The following ZNF474 variants were observed in gnomAD, a reference collection of about 807,000 sequenced individuals.
The protein encoded by ZNF474 is zinc finger protein 474.
For synonymous variants in ZNF474, 192 were observed against 162.2 expected (o/e 1.18, Z -1.39); for missense variants, 511 against 433.8 (o/e 1.18, Z -1.58).
rs1706107020 is a variant in ZNF474 at position 122,152,997 on chromosome 5, G to A, written c.1007G>A (p.Arg336Lys). 1.5e-5 allele frequency: 25 copies of A among 1,614,070 alleles called. No individual in the cohort carries two copies. Among genetic ancestry groups the A allele is most frequent in the Non-Finnish European group, 2.1e-5 (25 of 1,180,038 alleles). Residue 336 changes from arginine to lysine, a missense_variant, in exon 2 of 2, where the codon AGG becomes AAG. Arg to Lys is a conservative substitution (Grantham distance 26, BLOSUM62 2). Coordinates refer to ENST00000296600, the MANE Select transcript of ZNF474 (RefSeq NM_207317.3). ...LKEYTNSKQQRNRAAPSVTDK... is the reference protein window; with the variant it reads ...LKEYTNSKQQKNRAAPSVTDK... ...GAGTACACTAATTCCAAGCAGCAAA[G>A]GAACAGGGCAGCACCCAGTGTAACT...
At chr5:122,133,594 C>T (rs1174959716) in intron 1 of ZNF474, among the ~76,000 whole-genome samples, 15 of 152,192 alleles carry the variant, frequency 9.9e-5, no homozygotes, top group Non-Finnish European at 7.3e-5. Flanking sequence ...GGGTCTTGCT[C>T]TGTCACCCAG....
At chr5:122,148,995 G>T (rs1356993828) in intron 1 of ZNF474, among the ~76,000 whole-genome samples, 1 of 152,154 alleles carries the variant, frequency 6.6e-6, no homozygotes, top group African/African-American at 2.4e-5. Context: ...CTCCCAAAGT[G>T]CTGGGATTAC....
At chr5:122,145,160 G>C (rs1755955880) in intron 1 of ZNF474, among the ~76,000 whole-genome samples, 1 of 152,188 alleles carries the variant, frequency 6.6e-6, no homozygotes, top group Non-Finnish European at 1.5e-5. Context: ...ATTATTCATA[G>C]TGAAGGGGAG....
intron 1 of ZNF474, among the ~76,000 whole-genome samples, chr5:122,148,462 C>A (rs918204553): frequency 1.4e-4 from 22 of 152,208 alleles, no homozygotes; most frequent in African/African-American, 5.1e-4. Context: ...GCGGTAAGAT[C>A]TATCCCTAAT....
chr5:122,145,035 G>A (rs182578628), intron 1 of ZNF474, among the ~76,000 whole-genome samples: 10 of 152,296 alleles, frequency 6.6e-5, no homozygotes, highest in African/African-American at 1.9e-4. Context: ...AGTTAGAAGC[G>A]CAAAGAGTGC....
At chr5:122,135,238 G>T (rs1755672758) in intron 1 of ZNF474, among the ~76,000 whole-genome samples, 1 of 152,248 alleles carries the variant, frequency 6.6e-6, no homozygotes, top group Non-Finnish European at 1.5e-5. Flanking sequence ...AGGAGGCTGA[G>T]GTGGGAGGAT....
Position 122,152,815 on chromosome 5 carries a change from C to G in ZNF474, c.825C>G (p.Ser275Arg). The stretch of plus-strand genomic sequence containing the variant: ...AGCCCCTTCCGAATGCACAGTCCAG[C>G]CAAGCGGGACCAAATCAAGCTCAGC... ...KPQPLPNAQS[S>R]QAGPNQAQLV... The change falls in exon 2 of 2, where the codon AGC (serine) becomes AGG (arginine). Residue 275 changes from serine to arginine, a missense_variant. Coordinates refer to ENST00000296600, the MANE Select transcript of ZNF474 (RefSeq NM_207317.3). 6.2e-7 allele frequency: 1 copy of G among 1,614,174 alleles called. No homozygotes were observed. The highest frequency in any genetic ancestry group is 8.5e-7 in the Non-Finnish European group (1 of 1,180,026).
intron 1 of ZNF474, among the ~76,000 whole-genome samples, chr5:122,143,139 T>A (rs1409911847): frequency 1.3e-5 from 2 of 152,184 alleles, no homozygotes; most frequent in Admixed American, 1.3e-4. Flanking sequence ...ACTTTGAAAC[T>A]GCTGTAAGGT....
intron 1 of ZNF474, among the ~76,000 whole-genome samples, chr5:122,145,320 A>G (rs1273941523): frequency 6.6e-6 from 1 of 152,106 alleles, no homozygotes; most frequent in African/African-American, 2.4e-5. Flanking sequence ...CTTAAACCAT[A>G]CTGCCTCTAG....
At chr5:122,140,919 G>T (rs141393303) in intron 1 of ZNF474, among the ~76,000 whole-genome samples, 1 of 152,046 alleles carries the variant, frequency 6.6e-6, no homozygotes. Flanking sequence ...CATACAGAAT[G>T]GGTATGAGCT....
chr5:122,137,804 G>C (rs180803020), intron 1 of ZNF474, among the ~76,000 whole-genome samples: 1 of 152,206 alleles, frequency 6.6e-6, no homozygotes, highest in East Asian at 1.9e-4. Flanking sequence ...CAACCATGGA[G>C]CAGTCAGTCA....
At chr5:122,142,292 C>T (rs981750566) in intron 1 of ZNF474, among the ~76,000 whole-genome samples, 3 of 152,170 alleles carry the variant, frequency 2.0e-5, no homozygotes, top group Non-Finnish European at 4.4e-5. Context: ...CATCAGCATC[C>T]ACAAAGTTGA....
In ZNF474 at chr5:122,152,843, G is replaced by T. The variant is rs745551555; in HGVS notation, c.853G>T (p.Val285Leu). 1.9e-6 allele frequency: 3 copies of T among 1,614,124 alleles called. No homozygotes were observed. Among genetic ancestry groups the T allele is most frequent in the Non-Finnish European group, 2.5e-6 (3 of 1,180,024 alleles). ...AGCGGGACCAAATCAAGCTCAGCTT[G>T]TGTTCTGCCCACATTGTAGCCGAAT... ...SQAGPNQAQLVFCPHCSRIFT... is the reference protein window; with the variant it reads ...SQAGPNQAQLLFCPHCSRIFT... Residue 285 changes from valine to leucine, a missense_variant, in exon 2 of 2, where the codon GTG becomes TTG. Val to Leu is a conservative substitution (Grantham distance 32, BLOSUM62 1). Coordinates refer to ENST00000296600, the MANE Select transcript of ZNF474 (RefSeq NM_207317.3).
At chr5:122,131,809 A>G (rs1580594203) in intron 1 of ZNF474, among the ~76,000 whole-genome samples, 1 of 152,006 alleles carries the variant, frequency 6.6e-6, no homozygotes, top group East Asian at 1.9e-4. Flanking sequence ...AAAATTATCT[A>G]TTCATACCTT....
chr5:122,133,565 C>T (rs1490312135), intron 1 of ZNF474, among the ~76,000 whole-genome samples: 2 of 152,170 alleles, frequency 1.3e-5, no homozygotes, highest in South Asian at 2.1e-4. Flanking sequence ...TTTATTCATT[C>T]ATTCATTTCT....
chr5:122,153,291 G>GTCCATCTCTTCTTCTTTT lies in ZNF474; in HGVS notation c.*206_*207insTCCATCTCTTCTTCTTTT. On this transcript the variant is annotated 3_prime_UTR_variant, in exon 2 of 2. Coordinates refer to ENST00000296600, the MANE Select transcript of ZNF474 (RefSeq NM_207317.3). ...TCTTCAATTCTGCTGTCTAAAAGAA[G>GTCCATCTCTTCTTCTTTT]AAGAGATGGACTTCTTTCTTCCCTG... 1 of 540,986 alleles carries GTCCATCTCTTCTTCTTTT rather than the reference G, an allele frequency of 1.8e-6. No individual in the cohort carries two copies. Among genetic ancestry groups the GTCCATCTCTTCTTCTTTT allele is most frequent in the Admixed American group, 3.7e-5 (1 of 27,254 alleles). The allele number at this position is 540,986 out of a possible 1,614,324, so 33.5% of individuals were successfully genotyped here. A position where few individuals can be genotyped will look rare whatever the true frequency, so the allele number is the denominator to read the frequency against.
chr5:122,132,283 C>T (rs1222518820), intron 1 of ZNF474, among the ~76,000 whole-genome samples: 1 of 151,984 alleles, frequency 6.6e-6, no homozygotes, highest in Non-Finnish European at 1.5e-5. Context: ...AGTAAAGCTA[C>T]TGTAAACATT....
intron 1 of ZNF474, among the ~76,000 whole-genome samples, chr5:122,144,766 T>A (rs1442132048): frequency 6.6e-6 from 1 of 152,210 alleles, no homozygotes; most frequent in Non-Finnish European, 1.5e-5. Context: ...TTTTTCTTTT[T>A]TGGGCTATCC....
chr5:122,139,868 G>A (rs907487094), intron 1 of ZNF474, among the ~76,000 whole-genome samples: 7 of 152,190 alleles, frequency 4.6e-5, no homozygotes, highest in Non-Finnish European at 8.8e-5. Context: ...GGCAGCTTAG[G>A]AGTTATTTGC....
Sources: allele counts gnomAD v4.1 joint callset (sites outside exome capture counted in the v4.1 genomes callset), GRCh38; gene constraint gnomAD v4.1.1; transcripts MANE v1.5; gene names NCBI Gene and HGNC (gene_info 2026-07-23, HGNC 2026-07-21).